CNST: variants seen among roughly 807,000 people sequenced by gnomAD.
The protein encoded by CNST is consortin, connexin sorting protein.
Under a neutral mutation model 72.4 loss-of-function variants are expected in CNST, and 39 were observed. The observed-to-expected ratio is 0.54, with a 90% CI of 0.42 to 0.70. The LOEUF is 0.70. Ranked by LOEUF, CNST falls within the 30% of genes least tolerant of loss-of-function variation. The pLI, the probability that CNST is intolerant of heterozygous loss-of-function variation, is 0.00. For missense variants in CNST, 871 were observed against 868.5 expected (o/e 1.00, Z -0.04); for synonymous variants, 332 against 320.1 (o/e 1.04, Z -0.40).
intron 2 of CNST, among the ~76,000 whole-genome samples, chr1:246,595,764 C>T (rs1295362429): frequency 2.6e-5 from 4 of 151,600 alleles, no homozygotes; most frequent in African/African-American, 9.7e-5. Context: ...AAAAAAAAGA[C>T]CAAAAAAAAG....
In CNST at chr1:246,663,546, G is replaced by T. The variant is rs147570351; in HGVS notation, c.1973-2154G>T. On this transcript the variant is annotated intron_variant, in intron 10 of 10. Transcript: ENST00000366513. ...ACCTGAGGTCAGGAGTTTGAGACCA[G>T]CCTGGCCAATATGGTGAAACCCCAT... Among the ~76,000 whole-genome samples, 507 of 152,228 alleles carry T rather than the reference G, an allele frequency of 3.3e-3. 4 individuals are homozygous for T. Among genetic ancestry groups the T allele is most frequent in the African/African-American group, 0.012 (487 of 41,528 alleles).
chr1:246,647,730 T>C lies in CNST; in HGVS notation c.1529T>C (p.Leu510Pro). The C allele has an allele frequency of 6.2e-7, 1 of 1,614,154 alleles. No homozygotes were observed. The highest frequency in any genetic ancestry group is 8.5e-7 in the Non-Finnish European group (1 of 1,180,018). The change falls in exon 9 of 11, where the codon CTC (leucine) becomes CCC (proline). Residue 510 changes from leucine to proline, a missense_variant. By Grantham distance (98) the Leu-to-Pro change is moderately conservative. Coordinates refer to ENST00000366513, the MANE Select transcript of CNST (RefSeq NM_152609.3). ...GACTCAGACGGTTCTGAGAATGTGC[T>C]CTGTGGAAATAATCAAATATCTGAC... ...QADSDGSENV[L>P]CGNNQISDLG...
At chr1:246,619,166 A>C (rs1006006983) in intron 2 of CNST, among the ~76,000 whole-genome samples, 5 of 151,396 alleles carry the variant, frequency 3.3e-5, no homozygotes, top group Non-Finnish European at 5.9e-5. Context: ...AAAAAAAAAA[A>C]CACTAATTCT....
At chr1:246,577,089 G>C (rs1660483321) in intron 1 of CNST, among the ~76,000 whole-genome samples, 1 of 151,984 alleles carries the variant, frequency 6.6e-6, no homozygotes, top group African/African-American at 2.4e-5. Context: ...CAAATTAATA[G>C]GCTGTTTTGA....
At chr1:246,612,645 G>T (rs1024637176) in intron 2 of CNST, among the ~76,000 whole-genome samples, 1 of 152,110 alleles carries the variant, frequency 6.6e-6, no homozygotes. Context: ...CTAGCACTTT[G>T]GGAGGCCAAG....
Position 246,602,706 on chromosome 1 carries a change from C to T in CNST, c.379+10765C>T, listed in dbSNP as rs115868185. The stretch of plus-strand genomic sequence containing the variant: ...CACAAATACCAAGAGGCAGGAATCA[C>T]GGGGGCCCATCTTAAAGGATGCCAG... On this transcript the variant is annotated intron_variant, in intron 2 of 10. Coordinates refer to ENST00000366513, the MANE Select transcript of CNST (RefSeq NM_152609.3). Among the ~76,000 whole-genome samples the T allele has an allele frequency of 6.1e-3, 935 of 152,244 alleles. 12 individuals carry two copies. The highest frequency in any genetic ancestry group is 0.02 in the African/African-American group (845 of 41,536).
In CNST at chr1:246,647,871, AAGAT is replaced by A; in HGVS notation, c.1672_1675del (p.Asp558LeufsTer50). 1 of 1,614,168 alleles carries A rather than the reference AAGAT, an allele frequency of 6.2e-7. No homozygotes were observed. The highest frequency in any genetic ancestry group is 8.5e-7 in the Non-Finnish European group (1 of 1,180,044). On this transcript the variant is annotated frameshift_variant, in exon 9 of 11. Coordinates refer to ENST00000366513, the MANE Select transcript of CNST (RefSeq NM_152609.3). LOFTEE classifies it high-confidence loss of function. ...AACAGCCTTTTAGAAGGATGTTTAA[AAGAT>A]ACTGAAGATTCCCTTTCCTATGAAG...
chr1:246,647,160 C>G lies in CNST; in HGVS notation c.959C>G (p.Thr320Arg). 2 of 1,612,448 alleles carry G rather than the reference C, an allele frequency of 1.2e-6. No homozygotes were observed. The highest frequency in any genetic ancestry group is 1.7e-6 in the Non-Finnish European group (2 of 1,179,432). The change falls in exon 9 of 11, where the codon ACA (threonine) becomes AGA (arginine). Residue 320 changes from threonine (T) to arginine (R), a missense_variant. Thr to Arg is a moderately conservative substitution (Grantham distance 71, BLOSUM62 -1). Transcript: ENST00000366513. ...TTAGAGAGTAAAACTTGTCTCGGCA[C>G]AGAGTCAAGTAAAGAAAGCCAACAT... is the stretch of plus-strand genomic sequence containing the variant. ...KESESKTCLG[T>R]ESSKESQHTV...
At chr1:246,660,453 C>A in intron 10 of CNST, 119 bp downstream of exon 10, 1 of 1,083,152 alleles carries the variant, frequency 9.2e-7, no homozygotes, top group East Asian at 2.5e-5. Context: ...CCGCCAGGCA[C>A]GGTGGCTCAC....
At chr1:246,661,685 G>A in intron 10 of CNST, among the ~76,000 whole-genome samples, 1 of 152,166 alleles carries the variant, frequency 6.6e-6, no homozygotes, top group Non-Finnish European at 1.5e-5. Context: ...AAGTAAATAA[G>A]AGTAAATGGA....
At chr1:246,610,305 C>T (rs1012317409) in intron 2 of CNST, among the ~76,000 whole-genome samples, 4 of 152,116 alleles carry the variant, frequency 2.6e-5, no homozygotes, top group African/African-American at 9.6e-5. Context: ...AAACAAAAAA[C>T]CTCCCCATTC....
intron 4 of CNST, chr1:246,632,139 C>A: frequency 2.3e-6 from 1 of 444,336 alleles, no homozygotes; most frequent in Admixed American, 4.1e-5. Context: ...CCAAAGTTTA[C>A]CTTCATAAAT....
intron 1 of CNST, among the ~76,000 whole-genome samples, chr1:246,569,146 T>A (rs1258392640): frequency 6.6e-6 from 1 of 152,162 alleles, no homozygotes; most frequent in Non-Finnish European, 1.5e-5. Flanking sequence ...AGAAATACAA[T>A]GCAAGCCATA....
intron 9 of CNST, among the ~76,000 whole-genome samples, chr1:246,649,279 C>T (rs970464956): frequency 2.6e-5 from 4 of 151,278 alleles, no homozygotes; most frequent in African/African-American, 4.9e-5. Flanking sequence ...TGATGGTACA[C>T]GTTTTGATTG....
chr1:246,641,826 C>A, intron 7 of CNST, 56 bp downstream of exon 7: 1 of 1,241,134 alleles, frequency 8.1e-7, no homozygotes, highest in Non-Finnish European at 1.2e-6. Flanking sequence ...TGTCATATGT[C>A]TGTTGTATGG....
chr1:246,663,466 C>T (rs768685689), intron 10 of CNST, among the ~76,000 whole-genome samples: 1 of 151,812 alleles, frequency 6.6e-6, no homozygotes, highest in Non-Finnish European at 1.5e-5. Flanking sequence ...TTAGACTGGG[C>T]GTGGTGGCTT....
Position 246,649,712 on chromosome 1 carries a change from G to T in CNST, c.1836+1675G>T, listed in dbSNP as rs1369266777. The stretch of plus-strand genomic sequence containing the variant: ...AGTTACACACTGATAATCATATGGT[G>T]TGCCTTTTTAGAACTATCTTTCCCC... On this transcript the variant is annotated intron_variant, in intron 9 of 10. Coordinates refer to ENST00000366513, the MANE Select transcript of CNST (RefSeq NM_152609.3). 2.0e-5 allele frequency among the ~76,000 whole-genome samples: 3 copies of T among 152,008 alleles called. No individual in the cohort carries two copies. In the East Asian group the frequency reaches 5.8e-4, roughly 29 times the overall value.
At chr1:246,585,977 G>T (rs1657669525) in intron 1 of CNST, among the ~76,000 whole-genome samples, 1 of 151,674 alleles carries the variant, frequency 6.6e-6, no homozygotes, top group African/African-American at 2.4e-5. Flanking sequence ...CTATTTGGGA[G>T]GCTAAGGTGG....
At chr1:246,638,179 T>C (rs1362360169) in intron 6 of CNST, among the ~76,000 whole-genome samples, 1 of 152,132 alleles carries the variant, frequency 6.6e-6, no homozygotes, top group Non-Finnish European at 1.5e-5. Flanking sequence ...TGAGGAAGAA[T>C]GAGAAGCGCC....
Sources: allele counts gnomAD v4.1 joint callset (sites outside exome capture counted in the v4.1 genomes callset), GRCh38; gene constraint gnomAD v4.1.1; transcripts MANE v1.5; gene names NCBI Gene and HGNC (gene_info 2026-07-23, HGNC 2026-07-21).